The following PFDN1 variants were observed in gnomAD, a reference collection of about 807,000 sequenced individuals.
The protein encoded by PFDN1 is prefoldin 1.
A neutral mutation model predicts 17.3 loss-of-function variants in PFDN1; 6 were observed. The observed-to-expected ratio is 0.35, with a 90% CI of 0.19 to 0.69. The LOEUF is 0.69. PFDN1 is among the 30% of genes least tolerant of loss of function. The pLI is 0.65. For synonymous variants in PFDN1, 58 were observed against 50.1 expected, an observed-to-expected ratio of 1.16 and a Z score of -0.67; for missense variants, 113 against 146.2, an observed-to-expected ratio of 0.77 and a Z score of 1.17.
intron 3 of PFDN1, chr5:140,262,519 T>A (rs1281833606): frequency 6.6e-6 from 3 of 456,014 alleles, no homozygotes; most frequent in African/African-American, 4.0e-5. Flanking sequence ...GAGCAGCAGA[T>A]CAAACTGACC....
intron 2 of PFDN1, 156 bp from the exon 3 acceptor site, chr5:140,281,689 C>T: frequency 3.3e-6 from 2 of 609,056 alleles, no homozygotes; most frequent in Admixed American, 3.1e-5. Context: ...GAAGTTTAAA[C>T]CTTCTTGGCT....
In PFDN1 at chr5:140,245,082, G is replaced by A. The variant is rs1219044159; in HGVS notation, c.*892C>T. ...AATGTAGTAATTAGGGATGCATTTT[G>A]AATATTTATTGTCCTTGTTTTTAAC... On this transcript the variant is annotated 3_prime_UTR_variant, in exon 4 of 4. Coordinates refer to ENST00000261813, the MANE Select transcript of PFDN1 (RefSeq NM_002622.5). 4.8e-6 allele frequency: 1 copy of A among 209,922 alleles called. No individual in the cohort carries two copies. Among genetic ancestry groups the A allele is most frequent in the Non-Finnish European group, 9.8e-6 (1 of 102,520 alleles). The allele number at this position is 209,922 out of a possible 1,614,324, so 13.0% of individuals were successfully genotyped here.
At chr5:140,263,535 G>A (rs1240952575) in intron 3 of PFDN1, among the ~76,000 whole-genome samples, 3 of 152,084 alleles carry the variant, frequency 2.0e-5, no homozygotes, top group Non-Finnish European at 1.5e-5. Flanking sequence ...ACTTGCTTTT[G>A]CCATTTTACG....
At chr5:140,278,745 T>A (rs1374560624) in intron 3 of PFDN1, among the ~76,000 whole-genome samples, 1 of 152,174 alleles carries the variant, frequency 6.6e-6, no homozygotes, top group Non-Finnish European at 1.5e-5. Context: ...CATCTCTCAG[T>A]AACTAAATGA....
chr5:140,267,850 T>A (rs1220966855), intron 3 of PFDN1, among the ~76,000 whole-genome samples: 1 of 152,134 alleles, frequency 6.6e-6, no homozygotes, highest in African/African-American at 2.4e-5. Flanking sequence ...TAGAGTTTCA[T>A]ATAAAAACAG....
At chr5:140,261,729 A>T (rs1358242108) in intron 3 of PFDN1, among the ~76,000 whole-genome samples, 1 of 152,192 alleles carries the variant, frequency 6.6e-6, no homozygotes, top group Non-Finnish European at 1.5e-5. Flanking sequence ...GGAAATTCAT[A>T]GTGACACCTG....
chr5:140,268,056 T>C (rs964187620), intron 3 of PFDN1, among the ~76,000 whole-genome samples: 6 of 152,168 alleles, frequency 3.9e-5, no homozygotes, highest in Admixed American at 1.3e-4. Context: ...ACCAAAAGAA[T>C]AGCTTCGTGA....
intron 3 of PFDN1, among the ~76,000 whole-genome samples, chr5:140,251,699 C>T (rs1258551067): frequency 2.6e-5 from 4 of 152,070 alleles, no homozygotes; most frequent in Admixed American, 6.5e-5. Flanking sequence ...GGGCCCTTGC[C>T]GTGATGACAA....
intron 3 of PFDN1, among the ~76,000 whole-genome samples, chr5:140,252,605 T>C (rs1403811697): frequency 1.3e-5 from 2 of 152,216 alleles, no homozygotes; most frequent in East Asian, 3.8e-4. Context: ...CTAATTCTCG[T>C]GTTCGCTCAC....
At chr5:140,246,911 C>T (rs1764838646) in intron 3 of PFDN1, among the ~76,000 whole-genome samples, 1 of 152,158 alleles carries the variant, frequency 6.6e-6, no homozygotes, top group Non-Finnish European at 1.5e-5. Flanking sequence ...CTATTCATGT[C>T]CTGAGGGAAT....
intron 2 of PFDN1, among the ~76,000 whole-genome samples, chr5:140,286,203 G>A (rs55988944): frequency 0.25 from 37,152 of 151,488 alleles, 4,922 homozygotes; most frequent in South Asian, 0.46. Flanking sequence ...TTGAGTTCAG[G>A]AGTTAGAGAC....
intron 2 of PFDN1, among the ~76,000 whole-genome samples, chr5:140,297,593 A>G (rs1765673550): frequency 6.6e-6 from 1 of 152,200 alleles, no homozygotes; most frequent in African/African-American, 2.4e-5. Flanking sequence ...CTTTATCCAA[A>G]CATTTAAAAC....
chr5:140,302,059 C>T (rs1166409952), intron 1 of PFDN1, among the ~76,000 whole-genome samples: 1 of 152,188 alleles, frequency 6.6e-6, no homozygotes, highest in Non-Finnish European at 1.5e-5. Flanking sequence ...ACAGCTATTT[C>T]GGCTGTCCTA....
At chr5:140,258,200 TA>T (rs1581083247) in intron 3 of PFDN1, among the ~76,000 whole-genome samples, 1 of 152,026 alleles carries the variant, frequency 6.6e-6, no homozygotes, top group South Asian at 2.1e-4. Context: ...AAATTTCCAT[TA>T]AAAACAATCT....
chr5:140,301,316 C>T (rs1351501034), intron 1 of PFDN1, among the ~76,000 whole-genome samples: 1 of 152,160 alleles, frequency 6.6e-6, no homozygotes, highest in Non-Finnish European at 1.5e-5. Context: ...AAAAGAATTG[C>T]ATCATGATCT....
chr5:140,250,444 G>A (rs1316682234), intron 3 of PFDN1, among the ~76,000 whole-genome samples: 2 of 150,868 alleles, frequency 1.3e-5, no homozygotes, highest in Non-Finnish European at 3.0e-5. Context: ...TACCTTATCT[G>A]CGAGGCCTTC....
At position 140,281,361 on chromosome 5, in the gene PFDN1, C is replaced by T. The variant is rs1765395640; in HGVS notation, c.285+88G>A. 3 of 659,046 alleles carry T rather than the reference C, an allele frequency of 4.6e-6. No individual in the cohort carries two copies. In the East Asian group the frequency reaches 8.2e-5, roughly 18 times the overall value. The allele number at this position is 659,046 out of a possible 1,614,324, so 40.8% of individuals were successfully genotyped here. A position where few individuals can be genotyped will look rare whatever the true frequency, so the allele number is the denominator to read the frequency against. ...TAAAAATAATATGACATTACTTTGG[C>T]AGGCAGGCATACATTTTCATTTAAT... On this transcript the variant is annotated intron_variant, in intron 3 of 3. Coordinates refer to ENST00000261813, the MANE Select transcript of PFDN1 (RefSeq NM_002622.5).
intron 1 of PFDN1, 32 bp downstream of exon 1, chr5:140,303,008 GA>G (rs773805288): frequency 2.6e-6 from 4 of 1,540,770 alleles, no homozygotes; most frequent in Non-Finnish European, 3.6e-6. Flanking sequence ...CCTCCAAAAA[GA>G]AGACCTCCGC....
At chr5:140,278,557 C>CAAAAAAAAAAAAAAAAAAA (rs113129230) in intron 3 of PFDN1, among the ~76,000 whole-genome samples, 30 of 79,014 alleles carry the variant, frequency 3.8e-4, no homozygotes, top group East Asian at 9.5e-4. Flanking sequence ...GACTCTGTCT[C>CAAAAAAAAAAAAAAAAAAA]AAAAAAAAAA....
Sources: gnomAD v4.1 joint callset for allele counts (sites outside exome capture counted in the v4.1 genomes callset) on GRCh38, gnomAD v4.1.1 for gene constraint, MANE v1.5 for transcripts, NCBI Gene and HGNC (gene_info 2026-07-23, HGNC 2026-07-21) for gene names.